Variants in SLC1A2 observed in about 807,000 individuals in gnomAD.
SLC1A2 encodes the protein excitatory amino acid transporter 2.
A neutral mutation model predicts 48.8 loss-of-function variants in SLC1A2; 15 were observed. The observed-to-expected ratio is 0.31, with a 90% confidence interval of 0.21 to 0.47. SLC1A2 has a LOEUF of 0.47. Ranked by LOEUF, SLC1A2 falls within the 20% of genes least tolerant of loss-of-function variation. The pLI, the probability that SLC1A2 is intolerant of heterozygous loss-of-function variation, is 0.99. For synonymous variants in SLC1A2, 279 were observed against 272.6 expected (o/e 1.02, Z -0.23); for missense variants, 502 against 730.5 (o/e 0.69, Z 3.61).
intron 1 of SLC1A2, chr11:35,413,732 G>C (rs550666672): frequency 3.3e-5 from 5 of 152,436 alleles, no homozygotes; most frequent in South Asian, 4.1e-4. Flanking sequence ...AGGCAGACAG[G>C]TCTCAGATTC....
chr11:35,286,615 G>C, intron 8 of SLC1A2, 142 bp downstream of exon 8: 1 of 553,314 alleles, frequency 1.8e-6, no homozygotes, highest in Non-Finnish European at 3.1e-6. Flanking sequence ...CCTTTTGAAG[G>C]CTGCCAATAG....
At chr11:35,301,252 G>A (rs1313065204) in intron 6 of SLC1A2, among the ~76,000 whole-genome samples, 3 of 152,156 alleles carry the variant, frequency 2.0e-5, no homozygotes, top group Non-Finnish European at 2.9e-5. Context: ...AACTAAGACA[G>A]TTACATAAAA....
Position 35,315,108 on chromosome 11 carries a change from A to T in SLC1A2, c.225T>A (p.Val75=). 1 of 1,612,638 alleles carries T rather than the reference A, an allele frequency of 6.2e-7. No homozygotes were observed. Among genetic ancestry groups the T allele is most frequent in the Non-Finnish European group, 8.5e-7 (1 of 1,178,614 alleles). ...RLASPIHPDV[V]MLIAFPGDIL... ...TATCCCCTGGGAAGGCTATTAACAT[A>T]ACCACATCAGGGTGGATGGGAGATG... Residue 75 remains valine, a synonymous_variant, in exon 3 of 11, where the codon GTT becomes GTA. Transcript: ENST00000278379.
In SLC1A2 at chr11:35,280,981, C is replaced by T; in HGVS notation, c.1307G>A (p.Ser436Asn). ...VTVSLTATLASVGAASIPSAG... is the reference protein window; with the variant it reads ...VTVSLTATLANVGAASIPSAG... ...ACTGGGGATACTGGCCGCGCCGACGCTTGCCAGGGTGGCTGTGAGGCTATG... is the reference window on the plus strand; with the variant it reads ...ACTGGGGATACTGGCCGCGCCGACGTTTGCCAGGGTGGCTGTGAGGCTATG... The change falls in exon 9 of 11, where the codon AGC (serine) becomes AAC (asparagine). Residue 436 changes from serine (S) to asparagine (N), a missense_variant. This residue lies in a region of SLC1A2 where 309 missense variants were observed against 480.3 expected (regional missense o/e 0.64). Coordinates refer to ENST00000278379, the MANE Select transcript of SLC1A2 (RefSeq NM_004171.4). The T allele has an allele frequency of 6.2e-7, 1 of 1,610,142 alleles. No individual in the cohort carries two copies. The highest frequency in any genetic ancestry group is 2.2e-5 in the East Asian group (1 of 44,454).
intron 1 of SLC1A2, among the ~76,000 whole-genome samples, chr11:35,408,296 G>GA (rs1227547558): frequency 6.6e-6 from 1 of 152,146 alleles, no homozygotes; most frequent in African/African-American, 2.4e-5. Context: ...CATCCCCCTT[G>GA]ATATGGTTTG....
chr11:35,391,806 A>T (rs949522567), intron 1 of SLC1A2, among the ~76,000 whole-genome samples: 1 of 152,240 alleles, frequency 6.6e-6, no homozygotes, highest in Non-Finnish European at 1.5e-5. Context: ...TCATTAAAAC[A>T]GCTTGCCTTT....
chr11:35,339,292 C>T (rs1455860567), intron 1 of SLC1A2, among the ~76,000 whole-genome samples: 3 of 152,136 alleles, frequency 2.0e-5, no homozygotes, highest in African/African-American at 7.2e-5. Context: ...GGGTCAGGGC[C>T]CTTCTGTGTC....
intron 1 of SLC1A2, among the ~76,000 whole-genome samples, chr11:35,412,478 C>G (rs1475042525): frequency 6.6e-6 from 1 of 152,192 alleles, no homozygotes; most frequent in Non-Finnish European, 1.5e-5. Context: ...GTCAGACCAC[C>G]AGTGTGGACA....
intron 1 of SLC1A2, among the ~76,000 whole-genome samples, chr11:35,351,448 C>T (rs968333837): frequency 1.3e-5 from 2 of 152,122 alleles, no homozygotes; most frequent in Non-Finnish European, 2.9e-5. Context: ...CGTGTGTTCT[C>T]CCAGATACTT....
chr11:35,391,251 G>GGCTCACAAAGCCTACAATATGC (rs1186792090), intron 1 of SLC1A2: 1 of 152,122 alleles, frequency 6.6e-6, no homozygotes, highest in Non-Finnish European at 1.5e-5. Flanking sequence ...CAGACTGTAT[G>GGCTCACAAAGCCTACAATATGC]GCTCACAAAG....
chr11:35,267,487 G>T (rs1340575884), intron 9 of SLC1A2, among the ~76,000 whole-genome samples: 2 of 152,068 alleles, frequency 1.3e-5, no homozygotes, highest in East Asian at 3.8e-4. Context: ...ATTATAAATT[G>T]TATCAAGTCA....
At chr11:35,282,589 T>TA (rs1850676622) in intron 8 of SLC1A2, among the ~76,000 whole-genome samples, 1 of 152,086 alleles carries the variant, frequency 6.6e-6, no homozygotes, top group African/African-American at 2.4e-5. Flanking sequence ...AATGAAAACT[T>TA]CCCTAAAGCC....
intron 9 of SLC1A2, among the ~76,000 whole-genome samples, chr11:35,277,375 C>T (rs1041074623): frequency 6.6e-6 from 1 of 152,180 alleles, no homozygotes; most frequent in African/African-American, 2.4e-5. Context: ...AGACTCAACC[C>T]TTCTGATTCC....
intron 1 of SLC1A2, among the ~76,000 whole-genome samples, chr11:35,378,877 G>A (rs916139629): frequency 6.6e-6 from 1 of 152,216 alleles, no homozygotes; most frequent in Admixed American, 6.5e-5. Context: ...GGAAGGGGAA[G>A]GAGAAGATGG....
rs1293897604 is a variant in SLC1A2, at chr11:35,397,371, G to A, written c.17+21579C>T. On this transcript the variant is annotated intron_variant, in intron 1 of 10. Coordinates refer to ENST00000278379, the MANE Select transcript of SLC1A2 (RefSeq NM_004171.4). ...ACAGAACAGAGCCCTCAGAAATAACGCCGCATACCTACAACTATCTGATCT... is the reference window on the plus strand; with the variant it reads ...ACAGAACAGAGCCCTCAGAAATAACACCGCATACCTACAACTATCTGATCT... Among the ~76,000 whole-genome samples the A allele has an allele frequency of 7.0e-5, 10 of 142,142 alleles. No individual in the cohort carries two copies. The East Asian group carries it at 8.3e-4, about 12-fold the overall frequency. The allele number at this position is 142,142 out of a possible 152,430, so 93.3% of individuals were successfully genotyped here. A position where few individuals can be genotyped will look rare whatever the true frequency, so the allele number is the denominator to read the frequency against.
intron 9 of SLC1A2, among the ~76,000 whole-genome samples, chr11:35,275,116 C>G (rs984953400): frequency 6.6e-6 from 1 of 152,114 alleles, no homozygotes; most frequent in African/African-American, 2.4e-5. Flanking sequence ...GGTGCATGCT[C>G]GAGTTTGAGA....
At chr11:35,402,078 G>A (rs145182874) in intron 1 of SLC1A2, among the ~76,000 whole-genome samples, 1 of 152,182 alleles carries the variant, frequency 6.6e-6, no homozygotes, top group Non-Finnish European at 1.5e-5. Context: ...TGATATTAGA[G>A]GGTTGTGATA....
intron 1 of SLC1A2, among the ~76,000 whole-genome samples, chr11:35,341,750 T>G (rs1160132298): frequency 1.3e-5 from 2 of 152,186 alleles, no homozygotes; most frequent in African/African-American, 4.8e-5. Flanking sequence ...CCTTTTCACA[T>G]CCCAAAATGT....
At chr11:35,311,937 TG>T (rs1287197909) in intron 4 of SLC1A2, among the ~76,000 whole-genome samples, 70 of 4,976 alleles carry the variant, frequency 0.014, 3 homozygotes, top group African/African-American at 0.058. Flanking sequence ...GGGGGGGGGG[TG>T]GGGGAGAAAG....
Sources: gnomAD v4.1 joint callset for allele counts (sites outside exome capture counted in the v4.1 genomes callset) on GRCh38, gnomAD v4.1.1 for gene constraint, gnomAD v4.1.1 regional missense constraint, MANE v1.5 for transcripts, NCBI Gene and HGNC (gene_info 2026-07-23, HGNC 2026-07-21) for gene names.